ARHGAP26: variants seen among roughly 807,000 people sequenced by gnomAD.
The protein encoded by ARHGAP26 is Rho GTPase activating protein 26, also known as rho GTPase-activating protein 26.
In ARHGAP26, 38 loss-of-function variants were observed where a neutral mutation model predicts 104.8. That is an observed-to-expected ratio of 0.36 (90% CI 0.28 to 0.48). ARHGAP26 has a LOEUF of 0.48. Among genes scored for constraint, ARHGAP26 ranks in the 20% least tolerant of loss-of-function variants. ARHGAP26 has a pLI of 0.99. For synonymous variants in ARHGAP26, 341 were observed against 340.0 expected (o/e 1.00, Z -0.03); for missense variants, 704 against 947.9 (o/e 0.74, Z 3.38).
At chr5:143,216,439 C>G (rs1442326469) in intron 22 of ARHGAP26, 12 of 380,720 alleles carry the variant, frequency 3.2e-5, no homozygotes, top group Non-Finnish European at 6.3e-5. Context: ...TCCTGCCCCT[C>G]TGACCTCACG....
intron 11 of ARHGAP26, among the ~76,000 whole-genome samples, chr5:143,011,188 G>T (rs962202464): frequency 6.6e-6 from 1 of 151,736 alleles, no homozygotes; most frequent in African/African-American, 2.4e-5. Context: ...TGTACTTTCT[G>T]TTGGCACTAG....
chr5:142,871,544 A>G lies in ARHGAP26; in HGVS notation c.155-1856A>G, dbSNP rs889714537. Reference sequence around the variant, plus strand: ...AGGGAACATTCTGACTAAAATGGGAATGTGTATAACCACACCCACATTTGA... The same window carrying G: ...AGGGAACATTCTGACTAAAATGGGAGTGTGTATAACCACACCCACATTTGA... On this transcript the variant is annotated intron_variant, in intron 1 of 22. Coordinates refer to ENST00000645722, the MANE Select transcript of ARHGAP26 (RefSeq NM_001135608.3). The surrounding 1 kb of genome is among the most constrained non-coding windows in gnomAD (Gnocchi z 4.1). Among the ~76,000 whole-genome samples, 2 of 152,234 alleles carry G rather than the reference A, an allele frequency of 1.3e-5. No homozygotes were observed. Among genetic ancestry groups the G allele is most frequent in the African/African-American group, 4.8e-5 (2 of 41,458 alleles).
intron 11 of ARHGAP26, among the ~76,000 whole-genome samples, chr5:142,993,659 G>C (rs1250730655): frequency 6.6e-6 from 1 of 150,976 alleles, no homozygotes; most frequent in African/African-American, 2.4e-5. Flanking sequence ...TTTTTTTTGA[G>C]ACAGGGCCTC....
chr5:142,843,430 G>A (rs1387569476), intron 1 of ARHGAP26, among the ~76,000 whole-genome samples: 1 of 152,238 alleles, frequency 6.6e-6, no homozygotes, highest in Non-Finnish European at 1.5e-5. Context: ...AAGGCATGCT[G>A]TTTCACTAGA....
At position 143,188,231 on chromosome 5, in the gene ARHGAP26, C is replaced by T. The variant is rs1323453807; in HGVS notation, c.1989-18967C>T. Among the ~76,000 whole-genome samples, 6 of 152,320 alleles carry T rather than the reference C, an allele frequency of 3.9e-5. No individual in the cohort carries two copies. The East Asian group carries it at 1.2e-3, about 29-fold the overall frequency. ...AGTACAATACGTGGGGGCATTCACA[C>T]TTCCCAGTCATTTCCAGAGCTGACC... is the stretch of plus-strand genomic sequence containing the variant. On this transcript the variant is annotated intron_variant, in intron 20 of 22. Coordinates refer to ENST00000645722, the MANE Select transcript of ARHGAP26 (RefSeq NM_001135608.3).
At chr5:142,882,139 C>G (rs1034469422) in intron 4 of ARHGAP26, among the ~76,000 whole-genome samples, 3 of 152,180 alleles carry the variant, frequency 2.0e-5, no homozygotes, top group Admixed American at 1.3e-4. Context: ...GAGAGTGGGT[C>G]TACAGCTAGA....
chr5:143,118,457 A>G (rs1795751109), intron 17 of ARHGAP26, among the ~76,000 whole-genome samples: 2 of 152,146 alleles, frequency 1.3e-5, no homozygotes, highest in Admixed American at 1.3e-4. Flanking sequence ...GTTTTATAAG[A>G]GTTCAGTCTT....
intron 11 of ARHGAP26, among the ~76,000 whole-genome samples, chr5:142,973,312 A>G (rs377082425): frequency 7.9e-5 from 12 of 152,328 alleles, no homozygotes; most frequent in African/African-American, 2.6e-4. Flanking sequence ...AGTATTTTCT[A>G]TGTGATGCAG....
intron 20 of ARHGAP26, among the ~76,000 whole-genome samples, chr5:143,184,313 A>G (rs183601664): frequency 9.5e-4 from 144 of 152,250 alleles, no homozygotes; most frequent in Non-Finnish European, 1.4e-3. Flanking sequence ...CCTAACCTGA[A>G]TTAATGTATT....
chr5:143,032,288 AG>A lies in ARHGAP26; in HGVS notation c.1145-4905del, dbSNP rs1361021231. 2.0e-5 allele frequency among the ~76,000 whole-genome samples: 3 copies of A among 152,086 alleles called. No individual in the cohort carries two copies. The South Asian group carries it at 6.2e-4, about 32-fold the overall frequency. Reference sequence around the variant, plus strand: ...GCAGAGCTGAACCTGAGGCTGAGGGAGGGAAGTAAACCAGCCGAAGCCTCAA... The same window carrying A: ...GCAGAGCTGAACCTGAGGCTGAGGGAGGAAGTAAACCAGCCGAAGCCTCAA... On this transcript the variant is annotated intron_variant, in intron 12 of 22. Coordinates refer to ENST00000645722, the MANE Select transcript of ARHGAP26 (RefSeq NM_001135608.3).
At chr5:143,093,656 CCT>C (rs766383973) in intron 17 of ARHGAP26, among the ~76,000 whole-genome samples, 8 of 150,464 alleles carry the variant, frequency 5.3e-5, no homozygotes, top group African/African-American at 4.9e-5. Flanking sequence ...CTCTTTCTTT[CCT>C]CTCTCTCTCT....
intron 10 of ARHGAP26, among the ~76,000 whole-genome samples, chr5:142,929,769 T>G (rs138456934): frequency 4.3e-4 from 66 of 152,306 alleles, no homozygotes; most frequent in Middle Eastern, 6.8e-3. Context: ...GAAGTTGATG[T>G]AATATATGTG....
At chr5:143,189,653 A>C (rs1334848718) in intron 20 of ARHGAP26, among the ~76,000 whole-genome samples, 2 of 152,226 alleles carry the variant, frequency 1.3e-5, no homozygotes, top group Non-Finnish European at 2.9e-5. Context: ...TTAATTATAA[A>C]GTGTATACCT....
Position 143,093,925 on chromosome 5 carries a change from C to T in ARHGAP26, c.1539-27063C>T, listed in dbSNP as rs116770437. Among the ~76,000 whole-genome samples the T allele has an allele frequency of 2.8e-3, 423 of 152,288 alleles. 3 individuals are homozygous for T. Among genetic ancestry groups the T allele is most frequent in the African/African-American group, 9.7e-3 (405 of 41,554 alleles). On this transcript the variant is annotated intron_variant, in intron 17 of 22. Transcript: ENST00000645722. ...CAACTCCCACTTCATGGGGATTACT[C>T]GCCTCTTTTTGAGGTTCAACGCACC...
chr5:142,775,495 A>G (rs987255932), intron 1 of ARHGAP26, among the ~76,000 whole-genome samples: 5 of 152,188 alleles, frequency 3.3e-5, no homozygotes, highest in African/African-American at 1.2e-4. Context: ...ACATAACACA[A>G]CGGTTACCAC....
intron 17 of ARHGAP26, among the ~76,000 whole-genome samples, chr5:143,058,860 G>C (rs1401237282): frequency 6.6e-6 from 1 of 152,212 alleles, no homozygotes; most frequent in East Asian, 1.9e-4. Context: ...ATTCGGCAAA[G>C]CCACAGTTGC....
chr5:143,020,353 G>A (rs951506209), intron 12 of ARHGAP26, among the ~76,000 whole-genome samples: 1 of 152,314 alleles, frequency 6.6e-6, no homozygotes, highest in East Asian at 1.9e-4. Flanking sequence ...AAGCTCATGT[G>A]ATCTGCTGTG....
chr5:142,862,289 C>T (rs1233622300), intron 1 of ARHGAP26, among the ~76,000 whole-genome samples: 1 of 152,124 alleles, frequency 6.6e-6, no homozygotes, highest in African/African-American at 2.4e-5. Flanking sequence ...AGTTGTAGAA[C>T]TTATAGACGT....
At chr5:143,073,836 T>A (rs558595557) in intron 17 of ARHGAP26, among the ~76,000 whole-genome samples, 43 of 152,336 alleles carry the variant, frequency 2.8e-4, no homozygotes, top group Middle Eastern at 3.4e-3. Flanking sequence ...TATTTTTTAA[T>A]GAGAGGAGCA....
Sources: allele counts gnomAD v4.1 joint callset (sites outside exome capture counted in the v4.1 genomes callset), GRCh38; gene constraint gnomAD v4.1.1; non-coding constraint Gnocchi (gnomAD v3.1); transcripts MANE v1.5; gene names NCBI Gene and HGNC (gene_info 2026-07-23, HGNC 2026-07-21).